PRH1: variants seen among roughly 807,000 people sequenced by gnomAD.
PRH1 encodes proline rich protein HaeIII subfamily 1.
In PRH1, 7 loss-of-function variants were observed where a neutral mutation model predicts 7.9. That is an observed-to-expected ratio of 0.89 (90% CI 0.50 to 1.67). PRH1 has a LOEUF of 1.67. Among genes scored for constraint, PRH1 ranks in the 40% most tolerant of loss-of-function variants. The pLI is 0.00. For missense variants in PRH1, 109 were observed against 223.6 expected, an observed-to-expected ratio of 0.49 and a Z score of 3.27; for synonymous variants, 45 against 80.8, an observed-to-expected ratio of 0.56 and a Z score of 2.38.
intron 1 of PRH1, among the ~76,000 whole-genome samples, chr12:11,068,995 GCTC>G (rs368138674): frequency 0.45 from 61,283 of 137,276 alleles, 15,117 homozygotes; most frequent in Non-Finnish European, 0.52. Context: ...GCTCTCCACT[GCTC>G]TCTACAGCTC....
chr12:11,005,045 T>A (rs1940764831), intron 1 of PRH1, among the ~76,000 whole-genome samples: 1 of 152,156 alleles, frequency 6.6e-6, no homozygotes, highest in Non-Finnish European at 1.5e-5. Flanking sequence ...CATTAAATTC[T>A]ATGTGCACCT....
intron 1 of PRH1, among the ~76,000 whole-genome samples, chr12:11,104,750 T>C (rs1045636340): frequency 6.6e-6 from 1 of 152,128 alleles, no homozygotes; most frequent in Non-Finnish European, 1.5e-5. Flanking sequence ...GCCGAAATGA[T>C]GGCACAGATT....
chr12:10,918,017 TC>T (rs1237906935), intron 2 of PRH1, among the ~76,000 whole-genome samples: 1 of 152,172 alleles, frequency 6.6e-6, no homozygotes. Flanking sequence ...TTATAGATTG[TC>T]CAGCTTCAAT....
chr12:10,992,216 C>T (rs1034071804), intron 1 of PRH1, among the ~76,000 whole-genome samples: 5 of 152,164 alleles, frequency 3.3e-5, no homozygotes, highest in Non-Finnish European at 7.3e-5. Flanking sequence ...GAAATATTCA[C>T]TTGACCCTTT....
chr12:11,030,593 G>C, intron 1 of PRH1: 1 of 1,614,230 alleles, frequency 6.2e-7, no homozygotes, highest in South Asian at 1.1e-5. Flanking sequence ...ACTCCAAACT[G>C]ATATCATTAT....
chr12:11,102,293 T>C (rs1449414080), intron 1 of PRH1, among the ~76,000 whole-genome samples: 2 of 152,162 alleles, frequency 1.3e-5, no homozygotes, highest in Non-Finnish European at 2.9e-5. Context: ...CTTCAAACTA[T>C]ACTACAAGGC....
At chr12:10,982,864 C>A (rs1376475574) in intron 1 of PRH1, among the ~76,000 whole-genome samples, 1 of 149,768 alleles carries the variant, frequency 6.7e-6, no homozygotes, top group Admixed American at 6.7e-5. Context: ...GCATGTTGCC[C>A]TATATATATA....
chr12:11,089,627 T>G (rs1944813448), intron 1 of PRH1, among the ~76,000 whole-genome samples: 1 of 119,362 alleles, frequency 8.4e-6, no homozygotes, highest in Admixed American at 8.3e-5. Context: ...TAACAGGTAT[T>G]ACATTAAAAA....
At chr12:11,135,356 A>G (rs1391185406) in intron 1 of PRH1, among the ~76,000 whole-genome samples, 5 of 152,142 alleles carry the variant, frequency 3.3e-5, no homozygotes, top group Admixed American at 3.3e-4. Context: ...TACTATGAGA[A>G]TATCACCTGG....
chr12:11,082,894 A>G (rs1397146137), intron 1 of PRH1, among the ~76,000 whole-genome samples: 1 of 113,452 alleles, frequency 8.8e-6, no homozygotes, highest in South Asian at 2.4e-4. Flanking sequence ...AAATTCTCTC[A>G]ACTGCTTAAT....
chr12:11,148,967 T>G (rs1387838233), intron 1 of PRH1, among the ~76,000 whole-genome samples: 1 of 149,136 alleles, frequency 6.7e-6, no homozygotes, highest in Non-Finnish European at 1.5e-5. Flanking sequence ...TTTCAGATCC[T>G]GTTATTGGTC....
intron 1 of PRH1, chr12:11,092,444 A>C (rs372571991): frequency 3.3e-6 from 1 of 305,160 alleles, no homozygotes; most frequent in East Asian, 4.3e-5. Flanking sequence ...AGTGAAAGGC[A>C]ACCCAGGTAG....
chr12:11,153,177 T>C (rs1157463225), intron 1 of PRH1, among the ~76,000 whole-genome samples: 2 of 152,120 alleles, frequency 1.3e-5, no homozygotes, highest in Non-Finnish European at 2.9e-5. Flanking sequence ...ATAAGTAGAA[T>C]AGGGTTCGTT....
At chr12:11,062,769 G>C (rs1943667178) in intron 1 of PRH1, among the ~76,000 whole-genome samples, 1 of 152,010 alleles carries the variant, frequency 6.6e-6, no homozygotes, top group African/African-American at 2.4e-5. Context: ...AAAGGAGCTT[G>C]GTCATAATTA....
At chr12:11,117,553 A>C (rs1945766825), downstream of PRH1, among the ~76,000 whole-genome samples, 1 of 152,306 alleles carries the variant, frequency 6.6e-6, no homozygotes, top group Admixed American at 6.5e-5. Context: ...TCACAGAAAT[A>C]GAGAAAACAA....
At chr12:11,030,291 G>A (rs541994680) in intron 1 of PRH1, 142 of 1,495,976 alleles carry the variant, frequency 9.5e-5, no homozygotes, top group Admixed American at 4.2e-4. Flanking sequence ...CTAGGTATAC[G>A]TTGGGAAATT....
At chr12:10,939,008 C>A in intron 2 of PRH1, 1 of 1,613,622 alleles carries the variant, frequency 6.2e-7, no homozygotes, top group South Asian at 1.1e-5. Flanking sequence ...CACAGACACA[C>A]ACCAGCTTCC....
chr12:10,988,569 G>A (rs1452550250), intron 1 of PRH1, among the ~76,000 whole-genome samples: 4 of 151,972 alleles, frequency 2.6e-5, no homozygotes, highest in Admixed American at 6.6e-5. Context: ...ATTCTTTATG[G>A]AGCATTTTTC....
rs544402716 is a variant in PRH1 at position 11,031,072 on chromosome 12, C to T, written c.-126+15948G>A. 8.7e-6 allele frequency: 14 copies of T among 1,614,258 alleles called. No individual in the cohort carries two copies. In the African/African-American group the frequency reaches 1.7e-4, roughly 20 times the overall value. On this transcript the variant is annotated intron_variant, in intron 1 of 3. Coordinates refer to the PRH1 transcript ENST00000539853. ...AGTTGCTGAAATGGCCGGTTACTGCCCAGACATTATAAGCAGTAGTTCTTA... is the reference window on the plus strand; with the variant it reads ...AGTTGCTGAAATGGCCGGTTACTGCTCAGACATTATAAGCAGTAGTTCTTA...
Sources: allele counts gnomAD v4.1 joint callset (sites outside exome capture counted in the v4.1 genomes callset), GRCh38; gene constraint gnomAD v4.1.1; transcripts MANE v1.5; gene names NCBI Gene and HGNC (gene_info 2026-07-23, HGNC 2026-07-21).